The following DNAJC8 variants were observed in gnomAD, a reference collection of about 807,000 sequenced individuals.
DNAJC8 encodes dnaJ homolog subfamily C member 8.
In DNAJC8, 24 loss-of-function variants were observed where a neutral mutation model predicts 43.2. The ratio of observed to expected loss-of-function variants is 0.56; its 90% CI spans 0.40 to 0.78. DNAJC8 has a LOEUF of 0.78. Ranked by LOEUF, DNAJC8 falls within the 30% of genes least tolerant of loss-of-function variation. The pLI, the probability that DNAJC8 is intolerant of heterozygous loss-of-function variation, is 0.00. For missense variants in DNAJC8, 207 were observed against 299.4 expected (o/e 0.69, Z 2.28); for synonymous variants, 83 against 98.0 (o/e 0.85, Z 0.90).
chr1:28,230,534 A>G (rs976202801), intron 1 of DNAJC8, among the ~76,000 whole-genome samples: 1 of 152,232 alleles, frequency 6.6e-6, no homozygotes, highest in African/African-American at 2.4e-5. Context: ...CCTGAGCAAC[A>G]TGGCAAGACC....
chr1:28,231,719 G>GAA (rs113876916), intron 1 of DNAJC8, among the ~76,000 whole-genome samples: 19 of 143,958 alleles, frequency 1.3e-4, no homozygotes, highest in Non-Finnish European at 2.0e-4. Context: ...TCCGCCTTAG[G>GAA]AAAAAAAAAA....
At chr1:28,210,521 G>A in intron 4 of DNAJC8, 50 bp downstream of exon 4, 3 of 1,483,806 alleles carry the variant, frequency 2.0e-6, no homozygotes, top group Non-Finnish European at 1.9e-6. Context: ...GAACAGTTAG[G>A]CCCTGCCATT....
rs1252493695 is a variant in DNAJC8 at position 28,225,528 on chromosome 1, T to A, written c.180+3394A>T. ...AGAAGAGGCAAATTCATAGACAAAGTAGAGTAGAGGTTACCAGGGGTCAGG... is the reference window on the plus strand; with the variant it reads ...AGAAGAGGCAAATTCATAGACAAAGAAGAGTAGAGGTTACCAGGGGTCAGG... On this transcript the variant is annotated intron_variant, in intron 2 of 8. Coordinates refer to ENST00000263697, the MANE Select transcript of DNAJC8 (RefSeq NM_014280.3). 2.0e-5 allele frequency among the ~76,000 whole-genome samples: 3 copies of A among 150,766 alleles called. 1 individual carries two copies. The highest frequency in any genetic ancestry group is 7.3e-5 in the African/African-American group (3 of 40,952).
intron 2 of DNAJC8, among the ~76,000 whole-genome samples, chr1:28,224,418 C>T (rs991901628): frequency 2.0e-5 from 3 of 152,092 alleles, no homozygotes; most frequent in Non-Finnish European, 4.4e-5. Flanking sequence ...CAGGGGCACT[C>T]CATCACACCC....
At position 28,226,452 on chromosome 1, in the gene DNAJC8, G is replaced by A. The variant is rs761075796; in HGVS notation, c.180+2470C>T. Among the ~76,000 whole-genome samples, 11 of 151,128 alleles carry A rather than the reference G, an allele frequency of 7.3e-5. 1 individual carries two copies. Among genetic ancestry groups the A allele is most frequent in the African/African-American group, 1.2e-4 (5 of 41,100 alleles). On this transcript the variant is annotated intron_variant, in intron 2 of 8. Transcript: ENST00000263697. ...CGGGAGGCAGAGGTTGCGGTGAGCC[G>A]AGATTGCGCCACTGCACTCCAGCCT...
chr1:28,231,608 G>A (rs1409870823), intron 1 of DNAJC8, among the ~76,000 whole-genome samples: 3 of 151,860 alleles, frequency 2.0e-5, no homozygotes, highest in East Asian at 4.0e-4. Flanking sequence ...CCAGCTACTC[G>A]GGAGGCTGAG....
intron 6 of DNAJC8, among the ~76,000 whole-genome samples, chr1:28,206,148 T>A (rs1646766832): frequency 6.6e-6 from 1 of 152,104 alleles, no homozygotes; most frequent in Non-Finnish European, 1.5e-5. Flanking sequence ...GCCATGACTA[T>A]GCCACTGCAC....
intron 2 of DNAJC8, among the ~76,000 whole-genome samples, chr1:28,216,544 A>ATTTC (rs1200177063): frequency 1.3e-5 from 2 of 152,128 alleles, no homozygotes; most frequent in Non-Finnish European, 2.9e-5. Flanking sequence ...ACCCTGATTG[A>ATTTC]TTTTTTAAAA....
intron 2 of DNAJC8, among the ~76,000 whole-genome samples, chr1:28,225,100 C>T (rs921061307): frequency 2.6e-5 from 4 of 151,142 alleles, no homozygotes; most frequent in African/African-American, 9.7e-5. Flanking sequence ...TATATAGTAA[C>T]AATGTATCCA....
chr1:28,216,813 T>TTG (rs1328643588), intron 2 of DNAJC8, among the ~76,000 whole-genome samples: 1 of 150,786 alleles, frequency 6.6e-6, no homozygotes, highest in African/African-American at 2.4e-5. Flanking sequence ...GATTTCTTTT[T>TTG]TTTTTTTTTT....
chr1:28,223,736 G>T (rs200587031), intron 2 of DNAJC8, among the ~76,000 whole-genome samples: 1 of 148,966 alleles, frequency 6.7e-6, no homozygotes, highest in Non-Finnish European at 1.5e-5. Flanking sequence ...AAGAAAAAAA[G>T]AATAATAATA....
At chr1:28,228,860 T>C (rs927982324) in intron 2 of DNAJC8, 62 bp downstream of exon 2, 5 of 1,336,594 alleles carry the variant, frequency 3.7e-6, no homozygotes, top group African/African-American at 2.9e-5. Flanking sequence ...CTGATGTAGG[T>C]ATGCCTGCAG....
intron 1 of DNAJC8, among the ~76,000 whole-genome samples, chr1:28,230,470 C>T (rs1276348025): frequency 6.6e-6 from 1 of 152,146 alleles, no homozygotes; most frequent in Non-Finnish European, 1.5e-5. Flanking sequence ...GTAATCCCAG[C>T]ACTTTGGGAG....
intron 1 of DNAJC8, among the ~76,000 whole-genome samples, chr1:28,229,812 G>C (rs1035000262): frequency 3.3e-5 from 5 of 150,974 alleles, no homozygotes; most frequent in African/African-American, 1.2e-4. Context: ...TCTCTGTGAG[G>C]AAAAAAAATA....
At chr1:28,201,565 G>C (rs1646733526) in intron 8 of DNAJC8, among the ~76,000 whole-genome samples, 195 bp from the exon 9 acceptor site, 1 of 152,134 alleles carries the variant, frequency 6.6e-6, no homozygotes, top group Non-Finnish European at 1.5e-5. Context: ...GAGGCGGGCA[G>C]ATCACCTGAG....
At chr1:28,206,565 G>GTTC (rs1272222905) in intron 6 of DNAJC8, among the ~76,000 whole-genome samples, 2 of 152,110 alleles carry the variant, frequency 1.3e-5, no homozygotes, top group East Asian at 3.9e-4. Context: ...ATAAGTGAAC[G>GTTC]TAAGTGACCC....
intron 5 of DNAJC8, among the ~76,000 whole-genome samples, chr1:28,209,542 C>A (rs1646795080): frequency 6.6e-6 from 1 of 152,190 alleles, no homozygotes; most frequent in Non-Finnish European, 1.5e-5. Flanking sequence ...AAACCTCCTC[C>A]TATTTTAAAA....
chr1:28,230,470 C>G (rs1276348025), intron 1 of DNAJC8, among the ~76,000 whole-genome samples: 1 of 152,146 alleles, frequency 6.6e-6, no homozygotes, highest in Admixed American at 6.6e-5. Context: ...GTAATCCCAG[C>G]ACTTTGGGAG....
chr1:28,221,986 C>T (rs1046517925), intron 2 of DNAJC8, among the ~76,000 whole-genome samples: 1 of 151,966 alleles, frequency 6.6e-6, no homozygotes, highest in African/African-American at 2.4e-5. Flanking sequence ...AAGCCAGTCA[C>T]GAAAAGGCAA....
Sources: gnomAD v4.1 joint callset for allele counts (sites outside exome capture counted in the v4.1 genomes callset) on GRCh38, gnomAD v4.1.1 for gene constraint, MANE v1.5 for transcripts, NCBI Gene and HGNC (gene_info 2026-07-23, HGNC 2026-07-21) for gene names.